The following CDK15 variants were observed in gnomAD, a reference collection of about 807,000 sequenced individuals.
CDK15 encodes the protein cyclin-dependent kinase 15.
A neutral mutation model predicts 60.3 loss-of-function variants in CDK15; 62 were observed. The ratio of observed to expected loss-of-function variants is 1.03; its 90% CI spans 0.84 to 1.27. The LOEUF (loss-of-function observed/expected upper bound fraction) is 1.27, where lower values mean the gene tolerates loss of function less well. CDK15 is among the 50% of genes most tolerant of loss of function. The probability of loss-of-function intolerance (pLI) is 0.00; values close to 1 mark genes in which losing one functional copy is unlikely to be tolerated. For missense variants in CDK15, 541 were observed against 527.8 expected, an observed-to-expected ratio of 1.03 and a Z score of -0.25; for synonymous variants, 194 against 195.7, an observed-to-expected ratio of 0.99 and a Z score of 0.07.
intron 6 of CDK15, among the ~76,000 whole-genome samples, chr2:201,830,400 G>GA (rs1192416083): frequency 2.6e-5 from 4 of 152,204 alleles, no homozygotes. Flanking sequence ...TAAGGAATAA[G>GA]AAGTATCCAT....
At chr2:201,887,982 C>G (rs752785221) in intron 12 of CDK15, among the ~76,000 whole-genome samples, 8 of 150,678 alleles carry the variant, frequency 5.3e-5, no homozygotes, top group Non-Finnish European at 8.8e-5. Context: ...GCAAAACCCA[C>G]GTGACACGGA....
intron 11 of CDK15, among the ~76,000 whole-genome samples, chr2:201,874,864 GCCTACTCTATC>G (rs1559146161): frequency 6.6e-6 from 1 of 152,178 alleles, no homozygotes; most frequent in Non-Finnish European, 1.5e-5. Context: ...TTTAAAAAGT[GCCTACTCTATC>G]CCTGCCCTGT....
intron 4 of CDK15, among the ~76,000 whole-genome samples, chr2:201,816,693 G>GT (rs35050193): frequency 6.6e-6 from 1 of 151,856 alleles, no homozygotes; most frequent in South Asian, 2.1e-4. Flanking sequence ...TCTGTTTTTG[G>GT]TTTTTTTGAG....
rs1283437883 is a variant in CDK15 at position 201,812,579 on chromosome 2, T to A, written c.448+17T>A. The A allele has an allele frequency of 2.5e-6, 4 of 1,572,394 alleles. No homozygotes were observed. In the South Asian group the frequency reaches 4.4e-5, roughly 17 times the overall value. Reference sequence around the variant, plus strand: ...TCCGAGAAGGTAAGAACAGCAGAAATGGACCCAATAGATCTGTTTTGAGTC... The same window carrying A: ...TCCGAGAAGGTAAGAACAGCAGAAAAGGACCCAATAGATCTGTTTTGAGTC... On this transcript the variant is annotated intron_variant, in intron 4 of 13. Coordinates refer to ENST00000652192, the MANE Select transcript of CDK15 (RefSeq NM_001366386.2).
intron 8 of CDK15, among the ~76,000 whole-genome samples, chr2:201,839,981 TG>T (rs1227805271): frequency 1.0e-5 from 1 of 96,202 alleles, no homozygotes; most frequent in Admixed American, 9.4e-5. Flanking sequence ...TTTTTGTTTT[TG>T]TTTTTGTTTT....
At chr2:201,838,115 T>TTTTA (rs1264203568) in intron 8 of CDK15, among the ~76,000 whole-genome samples, 1 of 152,152 alleles carries the variant, frequency 6.6e-6, no homozygotes, top group Non-Finnish European at 1.5e-5. Context: ...TTTAAACTAA[T>TTTTA]TTTATTATGG....
intron 6 of CDK15, among the ~76,000 whole-genome samples, chr2:201,826,651 CA>C (rs1408435751): frequency 6.6e-6 from 1 of 152,050 alleles, no homozygotes; most frequent in Non-Finnish European, 1.5e-5. Flanking sequence ...CAGTGTTTTG[CA>C]ATCTCCAGGT....
intron 7 of CDK15, among the ~76,000 whole-genome samples, chr2:201,834,539 T>A (rs1439913240): frequency 6.6e-6 from 1 of 152,198 alleles, no homozygotes; most frequent in East Asian, 1.9e-4. Flanking sequence ...CATAAATACA[T>A]ACATGCATAC....
chr2:201,855,749 C>A (rs192325124), intron 10 of CDK15, among the ~76,000 whole-genome samples: 1 of 152,064 alleles, frequency 6.6e-6, no homozygotes, highest in African/African-American at 2.4e-5. Flanking sequence ...ATGCTCCAAG[C>A]CAGATTTTTC....
intron 11 of CDK15, among the ~76,000 whole-genome samples, chr2:201,873,064 T>C (rs1574928996): frequency 6.6e-6 from 1 of 152,224 alleles, no homozygotes; most frequent in South Asian, 2.1e-4. Flanking sequence ...AGAGTTTCAC[T>C]GGCCAAGATC....
chr2:201,879,936 C>T (rs771060542), intron 11 of CDK15, 92 bp from the exon 12 acceptor site: 7 of 1,468,298 alleles, frequency 4.8e-6, no homozygotes, highest in Non-Finnish European at 6.4e-6. Flanking sequence ...TAAGTCTAGC[C>T]ATCTCCTTTT....
At chr2:201,843,187 A>G (rs1429349878) in intron 8 of CDK15, among the ~76,000 whole-genome samples, 3 of 152,034 alleles carry the variant, frequency 2.0e-5, no homozygotes, top group African/African-American at 4.8e-5. Flanking sequence ...GATAAATTGC[A>G]TAGTTCTTTT....
In CDK15 at chr2:201,868,389, G is replaced by C. The variant is rs192605519; in HGVS notation, c.1010-3889G>C. On this transcript the variant is annotated intron_variant, in intron 10 of 13. Transcript: ENST00000652192. ...GGTCACACAGCTGGTAAGAGGCATA[G>C]TGTGGGTTCACCCGGGTCCTGGGTC... Among the ~76,000 whole-genome samples the C allele has an allele frequency of 2.6e-5, 4 of 152,310 alleles. No homozygotes were observed. The East Asian group carries it at 7.7e-4, about 29-fold the overall frequency.
chr2:201,840,868 CT>C (rs1023208484), intron 8 of CDK15, among the ~76,000 whole-genome samples: 31 of 152,210 alleles, frequency 2.0e-4, no homozygotes, highest in African/African-American at 6.0e-4. Context: ...GTGTGGATTT[CT>C]TTTTACTTAC....
At chr2:201,859,630 G>C (rs571867759) in intron 10 of CDK15, among the ~76,000 whole-genome samples, 68 of 152,284 alleles carry the variant, frequency 4.5e-4, no homozygotes, top group Non-Finnish European at 8.4e-4. Flanking sequence ...GCCCAGCGGG[G>C]AGCCCAGTCG....
At chr2:201,848,010 C>T (rs1342293728) in intron 9 of CDK15, among the ~76,000 whole-genome samples, 1 of 152,120 alleles carries the variant, frequency 6.6e-6, no homozygotes, top group Non-Finnish European at 1.5e-5. Context: ...ACCTTAGTCC[C>T]AGCTATTCAG....
intron 8 of CDK15, among the ~76,000 whole-genome samples, chr2:201,840,255 A>G (rs1697318759): frequency 6.6e-6 from 1 of 152,192 alleles, no homozygotes; most frequent in South Asian, 2.1e-4. Flanking sequence ...GATTACAGGC[A>G]TGAGCCACCG....
chr2:201,847,510 C>G (rs758585910), intron 9 of CDK15, 36 bp downstream of exon 9: 56 of 1,577,100 alleles, frequency 3.6e-5, no homozygotes, highest in Non-Finnish European at 4.7e-5. Flanking sequence ...AATGAAATAT[C>G]TGCATTTTAA....
At chr2:201,877,838 A>C (rs1047937962) in intron 11 of CDK15, among the ~76,000 whole-genome samples, 2 of 152,236 alleles carry the variant, frequency 1.3e-5, no homozygotes, top group Admixed American at 1.3e-4. Context: ...GTTTGAAAGT[A>C]GTTATCTGTT....
Sources: allele counts gnomAD v4.1 joint callset (sites outside exome capture counted in the v4.1 genomes callset), GRCh38; gene constraint gnomAD v4.1.1; transcripts MANE v1.5; gene names NCBI Gene and HGNC (gene_info 2026-07-23, HGNC 2026-07-21).